The following SLC25A22 variants were observed in gnomAD, a reference collection of about 807,000 sequenced individuals.
The protein encoded by SLC25A22 is solute carrier family 25 member 22, also known as mitochondrial glutamate carrier 1.
A neutral mutation model predicts 33.7 loss-of-function variants in SLC25A22; 23 were observed. The ratio of observed to expected loss-of-function variants is 0.68; its 90% confidence interval spans 0.49 to 0.97. The LOEUF (loss-of-function observed/expected upper bound fraction) is 0.97, where lower values mean the gene tolerates loss of function less well. Ranked by LOEUF, SLC25A22 falls within the 50% of genes least tolerant of loss-of-function variation. The pLI, the probability that SLC25A22 is intolerant of heterozygous loss-of-function variation, is 0.00. For missense variants in SLC25A22, 390 were observed against 451.1 expected (o/e 0.86, Z 1.23); for synonymous variants, 245 against 203.8 (o/e 1.20, Z -1.72).
chr11:795,452 G>T, intron 1 of SLC25A22: 1 of 357,674 alleles, frequency 2.8e-6, no homozygotes, highest in South Asian at 2.2e-5. Context: ...AGCCAGCTCC[G>T]GCTTTTAAAG....
At chr11:792,483 G>T (rs1468570496) in intron 7 of SLC25A22, 25 bp from the exon 8 acceptor site, 1 of 1,612,972 alleles carries the variant, frequency 6.2e-7, no homozygotes, top group Admixed American at 1.7e-5. Context: ...GTGGCCGTGG[G>T]GACAGGAGGT....
Position 792,417 on chromosome 11 carries a change from T to G in SLC25A22, c.629A>C (p.Asn210Thr). Reference protein sequence around the residue: ...FSVVYFPLFANLNQLGRPASE... With the variant: ...FSVVYFPLFATLNQLGRPASE... ...CGCCGGGCGGCCCAGCTGGTTCAGGTTGGCAAAGAGCGGGAAGTACACCAC... is the reference window on the plus strand; with the variant it reads ...CGCCGGGCGGCCCAGCTGGTTCAGGGTGGCAAAGAGCGGGAAGTACACCAC... Residue 210 changes from asparagine to threonine, a missense_variant, in exon 8 of 10, where the codon AAC becomes ACC. Coordinates refer to ENST00000628067, the MANE Select transcript of SLC25A22 (RefSeq NM_001191061.2). The G allele has an allele frequency of 1.2e-6, 2 of 1,613,358 alleles. No individual in the cohort carries two copies. Among genetic ancestry groups the G allele is most frequent in the Non-Finnish European group, 1.7e-6 (2 of 1,179,936 alleles).
chr11:797,220 G>A (rs945579110), intron 1 of SLC25A22, among the ~76,000 whole-genome samples: 8 of 152,206 alleles, frequency 5.3e-5, no homozygotes, highest in Non-Finnish European at 2.9e-5. Flanking sequence ...GGCAGGCCTG[G>A]GCCCGCACGT....
chr11:794,250 G>A, intron 4 of SLC25A22: 2 of 715,552 alleles, frequency 2.8e-6, no homozygotes, highest in Non-Finnish European at 5.0e-6. Flanking sequence ...CTAAGTGGGG[G>A]TGGGGAGCTG....
At chr11:792,104 C>T (rs753650062) in intron 9 of SLC25A22, 36 bp from the exon 10 acceptor site, 6 of 1,603,418 alleles carry the variant, frequency 3.7e-6, no homozygotes, top group African/African-American at 1.3e-5. Flanking sequence ...GCCCGGTACG[C>T]AGGCCCCCAG....
chr11:792,106 G>A (rs1864553393), intron 9 of SLC25A22, 36 bp downstream of exon 9: 1 of 1,604,662 alleles, frequency 6.2e-7, no homozygotes. Flanking sequence ...CCGGTACGCA[G>A]GCCCCCAGGC....
rs758331459 is a variant in SLC25A22, at chr11:794,453, C to T, written c.202+5G>A. ...CATATCGAGCCCAGCCGAGCCAAAC[C>T]TCACCCCGGTACATGCCGAAGTAGC... On this transcript the variant is annotated splice_donor_5th_base_variant and intron_variant, in intron 4 of 9. Coordinates refer to ENST00000628067, the MANE Select transcript of SLC25A22 (RefSeq NM_001191061.2). The T allele has an allele frequency of 1.2e-6, 2 of 1,612,784 alleles. No homozygotes were observed. Among genetic ancestry groups the T allele is most frequent in the South Asian group, 1.1e-5 (1 of 90,950 alleles).
rs747678655 is a variant in SLC25A22, at chr11:792,052, C to G, written c.835G>C (p.Glu279Gln). 1.3e-6 allele frequency: 2 copies of G among 1,598,778 alleles called. No homozygotes were observed. The highest frequency in any genetic ancestry group is 1.7e-6 in the Non-Finnish European group (2 of 1,173,224). The change falls in exon 10 of 10, where the codon GAG (glutamate) becomes CAG (glutamine). Residue 279 changes from glutamate to glutamine, a missense_variant. Physicochemically the swap from Glu to Gln is conservative, Grantham distance 29. Transcript: ENST00000628067. ...CCCTTCAGGAAGGCCGAGGGGCCCT[C>G]GTGCCGCAGGATCTTCCTGTGGAGG... ...LDCARKILRH[E>Q]GPSAFLKGAY...
intron 1 of SLC25A22, 145 bp from the exon 2 acceptor site, chr11:795,314 C>T: frequency 1.8e-6 from 1 of 541,282 alleles, no homozygotes; most frequent in Non-Finnish European, 3.4e-6. Flanking sequence ...CAGCGGGAGG[C>T]ACCTGCCACC....
At position 795,058 on chromosome 11, in the gene SLC25A22, C is replaced by CGGGGTGGAG. The variant is rs1565040604; in HGVS notation, c.-61_-53dup. On this transcript the variant is annotated 5_prime_UTR_variant, in exon 2 of 10. Transcript: ENST00000628067. ...CCGCAGAGGTGGACGCCAGGCCAGG[C>CGGGGTGGAG]GGGGTGGAGGTGGAGGTGGAGGAGG... The CGGGGTGGAG allele has an allele frequency of 3.3e-6, 4 of 1,204,530 alleles. No homozygotes were observed. The allele number at this position is 1,204,530 out of a possible 1,614,324, so 74.6% of individuals were successfully genotyped here. A position where few individuals can be genotyped will look rare whatever the true frequency, so the allele number is the denominator to read the frequency against.
intron 1 of SLC25A22, chr11:797,659 C>T (rs1296385954): frequency 1.0e-5 from 4 of 398,562 alleles, no homozygotes; most frequent in Non-Finnish European, 1.8e-5. Context: ...GCCGGCGGCT[C>T]CCCATTCAAT....
At chr11:793,740 TCTCTCAC>T in intron 4 of SLC25A22, 121 bp from the exon 5 acceptor site, 1 of 723,680 alleles carries the variant, frequency 1.4e-6, no homozygotes, top group East Asian at 2.6e-5. Flanking sequence ...CACCATCTGT[TCTCTCAC>T]CCACATTTGG....
In SLC25A22 at chr11:790,539, C is replaced by G. The variant is rs1294862830; in HGVS notation, c.*1376G>C. The stretch of plus-strand genomic sequence containing the variant: ...CACAAAAAGTTACAACTTCTTAAAA[C>G]TCTTCAAAAGAAAAAAATATAATTC... On this transcript the variant is annotated 3_prime_UTR_variant, in exon 10 of 10. Coordinates refer to ENST00000628067, the MANE Select transcript of SLC25A22 (RefSeq NM_001191061.2). 1 of 151,800 alleles carries G rather than the reference C, an allele frequency of 6.6e-6. No homozygotes were observed. The highest frequency in any genetic ancestry group is 2.4e-5 in the African/African-American group (1 of 41,284). The allele number at this position is 151,800 out of a possible 1,614,324, so 9.4% of individuals were successfully genotyped here.
At position 791,923 on chromosome 11, in the gene SLC25A22, G is replaced by A. The variant is rs1274720632; in HGVS notation, c.964C>T (p.Gln322Ter). ...TGGAGCGGGTGCTGGGCTCAGGCCT[G>A]GGGGTCCTGCAGCAGCCCCAGCAGG... ...ESLLGLLQDP[Q>*]A Residue 322 changes from glutamine to a stop codon, truncating the protein, a stop_gained, in exon 10 of 10, where the codon CAG (glutamine) becomes TAG (stop). Transcript: ENST00000628067. LOFTEE classifies it high-confidence loss of function. 4.4e-6 allele frequency: 7 copies of A among 1,598,428 alleles called. No homozygotes were observed. Among genetic ancestry groups the A allele is most frequent in the Non-Finnish European group, 5.9e-6 (7 of 1,178,476 alleles).
chr11:798,231 C>T lies in SLC25A22; in HGVS notation c.-178G>A, dbSNP rs1327554837. Reference sequence around the variant, plus strand: ...CAGACACTCACCACGCTCGCCGCCGCCGCCGCGCTCGCCTGCCCGCCCCGC... The same window carrying T: ...CAGACACTCACCACGCTCGCCGCCGTCGCCGCGCTCGCCTGCCCGCCCCGC... On this transcript the variant is annotated 5_prime_UTR_variant, in exon 1 of 10. Coordinates refer to ENST00000628067, the MANE Select transcript of SLC25A22 (RefSeq NM_001191061.2). The T allele has an allele frequency of 2.5e-6, 1 of 394,398 alleles. No individual in the cohort carries two copies. Among genetic ancestry groups the T allele is most frequent in the Non-Finnish European group, 4.5e-6 (1 of 223,630 alleles). The allele number at this position is 394,398 out of a possible 1,614,324, so 24.4% of individuals were successfully genotyped here.
rs766252372 is a variant in SLC25A22, at chr11:794,760, C to T, written c.146+16G>A. The T allele has an allele frequency of 2.9e-5, 46 of 1,595,342 alleles. No homozygotes were observed. Among genetic ancestry groups the T allele is most frequent in the Admixed American group, 5.2e-5 (3 of 57,584 alleles). ...ACATGCTGGGCCCACTCCCCGCGAC[C>T]GCCCGGCACACTCACATGCTCGTGT... On this transcript the variant is annotated intron_variant, in intron 3 of 9. Coordinates refer to ENST00000628067, the MANE Select transcript of SLC25A22 (RefSeq NM_001191061.2).
At chr11:797,434 C>T (rs1864886128) in intron 1 of SLC25A22, 1 of 396,396 alleles carries the variant, frequency 2.5e-6, no homozygotes, top group African/African-American at 2.1e-5. Context: ...CCTGCAGCCC[C>T]AGCCGGGCCC....
At chr11:796,462 C>T (rs1427303185) in intron 1 of SLC25A22, 1 of 152,292 alleles carries the variant, frequency 6.6e-6, no homozygotes, top group Non-Finnish European at 1.5e-5. Context: ...GTGGCCACCA[C>T]ACCCCCAGCA....
intron 8 of SLC25A22, 30 bp downstream of exon 8, chr11:792,274 C>T: frequency 1.9e-6 from 3 of 1,613,076 alleles, no homozygotes; most frequent in Non-Finnish European, 2.5e-6. Flanking sequence ...CCCGCCCCAT[C>T]CCCAGCCGGG....
Sources: gnomAD v4.1 joint callset for allele counts (sites outside exome capture counted in the v4.1 genomes callset) on GRCh38, gnomAD v4.1.1 for gene constraint, MANE v1.5 for transcripts, NCBI Gene and HGNC (gene_info 2026-07-23, HGNC 2026-07-21) for gene names.